The following MCU variants were observed in gnomAD, a reference collection of about 807,000 sequenced individuals.
The protein encoded by MCU is calcium uniporter protein, mitochondrial.
MCU carries 12 observed loss-of-function variants against 45.2 expected under a neutral mutation model. That is an observed-to-expected ratio of 0.27 (90% CI 0.17 to 0.43). MCU has a LOEUF of 0.43. Among genes scored for constraint, MCU ranks in the 20% least tolerant of loss-of-function variants. The pLI, the probability that MCU is intolerant of heterozygous loss-of-function variation, is 1.00. For synonymous variants in MCU, 160 were observed against 165.1 expected (o/e 0.97, Z 0.24); for missense variants, 324 against 436.7 (o/e 0.74, Z 2.30).
chr10:72,805,505 C>T (rs138706454), intron 1 of MCU, among the ~76,000 whole-genome samples: 12 of 152,160 alleles, frequency 7.9e-5, no homozygotes, highest in Admixed American at 1.3e-4. Flanking sequence ...CCTCAGCCTC[C>T]CAAAGTACTG....
chr10:72,751,347 T>C (rs1369967987), intron 1 of MCU, among the ~76,000 whole-genome samples: 2 of 100,526 alleles, frequency 2.0e-5, no homozygotes, highest in African/African-American at 1.1e-4. Flanking sequence ...TCTTCTTTTT[T>C]TTTTTTTTTT....
intron 1 of MCU, among the ~76,000 whole-genome samples, chr10:72,767,435 C>G (rs557071482): frequency 6.6e-6 from 1 of 152,152 alleles, no homozygotes; most frequent in South Asian, 2.1e-4. Flanking sequence ...TTTGATTTGA[C>G]TATATTTATG....
intron 1 of MCU, among the ~76,000 whole-genome samples, chr10:72,714,006 G>A (rs542780765): frequency 6.8e-6 from 1 of 146,206 alleles, no homozygotes; most frequent in Admixed American, 6.8e-5. Flanking sequence ...TCGCTTTGTC[G>A]TCCAGCCTGG....
intron 1 of MCU, among the ~76,000 whole-genome samples, chr10:72,697,663 T>C (rs1439628750): frequency 6.6e-6 from 1 of 151,942 alleles, no homozygotes. Flanking sequence ...CTTGAACTCC[T>C]GACCTCGTGA....
intron 1 of MCU, among the ~76,000 whole-genome samples, chr10:72,789,706 C>T (rs1430630723): frequency 6.6e-6 from 1 of 152,082 alleles, no homozygotes; most frequent in Non-Finnish European, 1.5e-5. Flanking sequence ...TCCATTAATC[C>T]CTGTTAAGAC....
intron 6 of MCU, among the ~76,000 whole-genome samples, chr10:72,882,899 G>A (rs1011388641): frequency 2.6e-5 from 4 of 152,028 alleles, no homozygotes; most frequent in Non-Finnish European, 4.4e-5. Context: ...TGTCCCCCCC[G>A]GATGCCCAGC....
At chr10:72,717,200 G>A (rs1417997714) in intron 1 of MCU, among the ~76,000 whole-genome samples, 1 of 149,892 alleles carries the variant, frequency 6.7e-6, no homozygotes, top group Non-Finnish European at 1.5e-5. Context: ...TGGTTGTTAA[G>A]AGTATCGGTC....
intron 1 of MCU, among the ~76,000 whole-genome samples, chr10:72,804,295 G>A (rs1450662197): frequency 6.6e-6 from 1 of 151,070 alleles, no homozygotes; most frequent in Admixed American, 6.6e-5. Context: ...CACCATGTTG[G>A]CCAGGCTGGT....
rs570452028 is a variant in MCU at position 72,799,277 on chromosome 10, A to C, written c.151-35082A>C. Among the ~76,000 whole-genome samples, 3 of 152,304 alleles carry C rather than the reference A, an allele frequency of 2.0e-5. No homozygotes were observed. In the South Asian group the frequency reaches 6.2e-4, roughly 32 times the overall value. On this transcript the variant is annotated intron_variant, in intron 1 of 7. Coordinates refer to ENST00000373053, the MANE Select transcript of MCU (RefSeq NM_138357.3). Reference sequence around the variant, plus strand: ...AGTTTTCATTGTATTGATATAATTTATTAGATGATTTCCAAATATTCACTA... The same window carrying C: ...AGTTTTCATTGTATTGATATAATTTCTTAGATGATTTCCAAATATTCACTA...
chr10:72,856,494 A>G (rs1055899870), intron 2 of MCU, among the ~76,000 whole-genome samples: 2 of 152,198 alleles, frequency 1.3e-5, no homozygotes, highest in Non-Finnish European at 2.9e-5. Context: ...AATGTCTACA[A>G]CTACAACTAT....
At chr10:72,857,065 G>A (rs1228992546) in intron 2 of MCU, among the ~76,000 whole-genome samples, 1 of 151,924 alleles carries the variant, frequency 6.6e-6, no homozygotes, top group Non-Finnish European at 1.5e-5. Context: ...TTCTGCCTCA[G>A]CCTCCTGAGT....
intron 1 of MCU, among the ~76,000 whole-genome samples, chr10:72,807,766 A>C (rs543064471): frequency 6.6e-6 from 1 of 152,296 alleles, no homozygotes; most frequent in East Asian, 1.9e-4. Flanking sequence ...GGGCACTGAG[A>C]ATTGTTTTCC....
chr10:72,724,473 A>T (rs559349352), intron 1 of MCU, among the ~76,000 whole-genome samples: 2 of 152,170 alleles, frequency 1.3e-5, no homozygotes, highest in South Asian at 4.1e-4. Flanking sequence ...AGGGAAACTA[A>T]TCCTTTGTGA....
intron 1 of MCU, among the ~76,000 whole-genome samples, chr10:72,792,973 G>A (rs1300415478): frequency 1.3e-5 from 2 of 151,948 alleles, no homozygotes; most frequent in Non-Finnish European, 2.9e-5. Flanking sequence ...CCGCTTCCTG[G>A]GTTCACGTGA....
At chr10:72,759,182 G>A (rs181907126) in intron 1 of MCU, among the ~76,000 whole-genome samples, 3 of 152,268 alleles carry the variant, frequency 2.0e-5, no homozygotes, top group Non-Finnish European at 4.4e-5. Flanking sequence ...CTCCTGTCTC[G>A]AGAGCCTAGC....
chr10:72,819,876 A>G (rs145885486), intron 1 of MCU, among the ~76,000 whole-genome samples: 300 of 152,230 alleles, frequency 2.0e-3, no homozygotes, highest in African/African-American at 6.9e-3. Context: ...TGATAGTAGT[A>G]TATAGTTAAA....
At chr10:72,848,801 A>C (rs1781862948) in intron 2 of MCU, among the ~76,000 whole-genome samples, 1 of 152,136 alleles carries the variant, frequency 6.6e-6, no homozygotes, top group Non-Finnish European at 1.5e-5. Flanking sequence ...ACCAACTACC[A>C]ACTTCAGGAT....
At chr10:72,750,360 A>T (rs1291504446) in intron 1 of MCU, among the ~76,000 whole-genome samples, 1 of 152,238 alleles carries the variant, frequency 6.6e-6, no homozygotes, top group Non-Finnish European at 1.5e-5. Context: ...GTGTAATATT[A>T]TTATTTTTAA....
intron 1 of MCU, among the ~76,000 whole-genome samples, chr10:72,714,577 T>C (rs1197830376): frequency 1.3e-5 from 2 of 151,848 alleles, no homozygotes; most frequent in African/African-American, 4.8e-5. Flanking sequence ...AGAGTTTCCC[T>C]CCTGTTGCCC....
Sources: allele counts gnomAD v4.1 joint callset (sites outside exome capture counted in the v4.1 genomes callset), GRCh38; gene constraint gnomAD v4.1.1; transcripts MANE v1.5; gene names NCBI Gene and HGNC (gene_info 2026-07-23, HGNC 2026-07-21).